The following BMPR1B variants were observed in gnomAD, a reference collection of about 807,000 sequenced individuals.
BMPR1B encodes bone morphogenetic protein receptor type-1B.
A neutral mutation model predicts 59.1 loss-of-function variants in BMPR1B; 12 were observed. The observed-to-expected ratio is 0.20, with a 90% CI of 0.13 to 0.33. The LOEUF (loss-of-function observed/expected upper bound fraction) is 0.33. BMPR1B is among the 10% of genes least tolerant of loss of function. The pLI is 1.00. For synonymous variants in BMPR1B, 237 were observed against 207.3 expected, an observed-to-expected ratio of 1.14 and a Z score of -1.23; for missense variants, 550 against 610.9, an observed-to-expected ratio of 0.90 and a Z score of 1.05.
chr4:94,808,154 T>C (rs1433825699), intron 1 of BMPR1B, among the ~76,000 whole-genome samples: 1 of 152,226 alleles, frequency 6.6e-6, no homozygotes, highest in Non-Finnish European at 1.5e-5. Context: ...CTATTTTAAA[T>C]GTTTTTGCAT....
chr4:94,801,581 AC>A (rs1471234290), intron 1 of BMPR1B, among the ~76,000 whole-genome samples: 2 of 152,182 alleles, frequency 1.3e-5, no homozygotes, highest in Non-Finnish European at 2.9e-5. Context: ...TTTTGTCATA[AC>A]AACTTCATGA....
intron 1 of BMPR1B, among the ~76,000 whole-genome samples, chr4:94,861,172 C>T (rs72887841): frequency 0.027 from 4,070 of 152,228 alleles, 179 homozygotes; most frequent in African/African-American, 0.093. Context: ...AAATCCCAGT[C>T]CTGCTGCTTG....
At chr4:94,934,528 G>A (rs537376923) in intron 2 of BMPR1B, among the ~76,000 whole-genome samples, 1 of 141,910 alleles carries the variant, frequency 7.0e-6, no homozygotes, top group African/African-American at 2.7e-5. Context: ...TTAAGCGTTA[G>A]AAACTTGTTG....
At chr4:94,787,819 C>G (rs1274793020) in intron 1 of BMPR1B, among the ~76,000 whole-genome samples, 1 of 151,996 alleles carries the variant, frequency 6.6e-6, no homozygotes, top group Non-Finnish European at 1.5e-5. Flanking sequence ...GTAACCCACA[C>G]AGTATTTCCT....
rs1191147159 is a variant in BMPR1B, at chr4:95,158,315, T to TA, written c.*3643dup. ...TGTTCTTTTGGGGGAACCAGTGCCTTACAGATTTTGTATATACTGTAATTA... is the reference window on the plus strand; with the variant it reads ...TGTTCTTTTGGGGGAACCAGTGCCTTAACAGATTTTGTATATACTGTAATTA... On this transcript the variant is annotated 3_prime_UTR_variant, in exon 13 of 13. Coordinates refer to ENST00000515059, the MANE Select transcript of BMPR1B (RefSeq NM_001203.3). The TA allele has an allele frequency of 2.0e-5, 3 of 152,332 alleles. No individual in the cohort carries two copies. The highest frequency in any genetic ancestry group is 4.4e-5 in the Non-Finnish European group (3 of 68,026). 9.4% of individuals were successfully genotyped at this position (152,332 alleles called of 1,614,324 possible).
At chr4:95,073,992 CAA>C (rs1285233768) in intron 3 of BMPR1B, among the ~76,000 whole-genome samples, 1 of 152,086 alleles carries the variant, frequency 6.6e-6, no homozygotes, top group Non-Finnish European at 1.5e-5. Context: ...TACAAATGAA[CAA>C]AGTGTCTTTT....
intron 4 of BMPR1B, among the ~76,000 whole-genome samples, chr4:95,106,621 A>G (rs1379963590): frequency 2.6e-5 from 4 of 152,026 alleles, no homozygotes; most frequent in African/African-American, 7.2e-5. Flanking sequence ...GAAAAGAACC[A>G]AGTTCCAATC....
At chr4:95,096,716 C>CATATATAACTATATATAGTT (rs1281162489) in intron 3 of BMPR1B, among the ~76,000 whole-genome samples, 192 of 75,704 alleles carry the variant, frequency 2.5e-3, no homozygotes, top group African/African-American at 7.2e-3. Flanking sequence ...TATATAGAGG[C>CATATATAACTATATATAGTT]ATATATAACT....
At chr4:95,089,594 T>C (rs1729833405) in intron 3 of BMPR1B, among the ~76,000 whole-genome samples, 1 of 152,122 alleles carries the variant, frequency 6.6e-6, no homozygotes, top group African/African-American at 2.4e-5. Flanking sequence ...TTTTGAAAAC[T>C]GAAGCCATTT....
rs1730710110 is a variant in BMPR1B at position 94,969,971 on chromosome 4, A to G, written c.-112-26069A>G. ...TGTAAAAAGGGTGATACTTTAAAGA[A>G]TTTTTAAATGTTTCTTATACTTTTA... is the stretch of plus-strand genomic sequence containing the variant. On this transcript the variant is annotated intron_variant, in intron 2 of 12. Coordinates refer to ENST00000515059, the MANE Select transcript of BMPR1B (RefSeq NM_001203.3). 2.6e-5 allele frequency among the ~76,000 whole-genome samples: 4 copies of G among 152,180 alleles called. No individual in the cohort carries two copies. In the South Asian group the frequency reaches 8.3e-4, roughly 32 times the overall value.
chr4:95,066,351 T>C (rs568710188), intron 3 of BMPR1B, among the ~76,000 whole-genome samples: 1 of 151,716 alleles, frequency 6.6e-6, no homozygotes, highest in East Asian at 1.9e-4. Flanking sequence ...TGTTTCATGC[T>C]TTTCCCACTC....
intron 2 of BMPR1B, among the ~76,000 whole-genome samples, chr4:94,928,355 GA>G (rs1016461935): frequency 1.7e-4 from 26 of 151,952 alleles, no homozygotes; most frequent in Non-Finnish European, 3.2e-4. Flanking sequence ...CAAATCTTCC[GA>G]ATGGGTGTGT....
At chr4:94,954,800 AG>A (rs1730080172) in intron 2 of BMPR1B, among the ~76,000 whole-genome samples, 1 of 152,218 alleles carries the variant, frequency 6.6e-6, no homozygotes. Flanking sequence ...TAAAGCACTT[AG>A]AATAGTTCCT....
intron 2 of BMPR1B, among the ~76,000 whole-genome samples, chr4:94,923,367 T>C (rs1046405599): frequency 1.3e-5 from 2 of 152,156 alleles, no homozygotes; most frequent in African/African-American, 4.8e-5. Flanking sequence ...CAGGCTTATG[T>C]ACTCTGAAAT....
chr4:95,104,983 C>G (rs559767481), intron 4 of BMPR1B, among the ~76,000 whole-genome samples: 1 of 152,170 alleles, frequency 6.6e-6, no homozygotes, highest in East Asian at 1.9e-4. Flanking sequence ...AACACCTAAG[C>G]TGCTGGGAAT....
Position 94,905,191 on chromosome 4 carries a change from T to C in BMPR1B, c.-113+29291T>C, listed in dbSNP as rs554082509. ...ATGATGAATTTCTTACCTGGCCTAA[T>C]AGCATGAATTAATTTAAATGAATTT... On this transcript the variant is annotated intron_variant, in intron 2 of 12. Transcript: ENST00000515059. Among the ~76,000 whole-genome samples, 39 of 152,176 alleles carry C rather than the reference T, an allele frequency of 2.6e-4. No homozygotes were observed. In the South Asian group the frequency reaches 7.0e-3, roughly 28 times the overall value.
intron 1 of BMPR1B, among the ~76,000 whole-genome samples, chr4:94,823,929 G>T (rs1724295374): frequency 6.6e-6 from 1 of 152,002 alleles, no homozygotes; most frequent in East Asian, 1.9e-4. Context: ...TGTATTTTTA[G>T]TAGAGACGGG....
intron 1 of BMPR1B, among the ~76,000 whole-genome samples, chr4:94,779,747 G>A (rs1722519115): frequency 6.6e-6 from 1 of 152,016 alleles, no homozygotes; most frequent in Non-Finnish European, 1.5e-5. Flanking sequence ...CAAGAGAATT[G>A]CTTGAATCTG....
intron 2 of BMPR1B, among the ~76,000 whole-genome samples, chr4:94,896,746 G>C (rs1727602903): frequency 6.6e-6 from 1 of 151,896 alleles, no homozygotes; most frequent in African/African-American, 2.4e-5. Context: ...GCAAGCCTTT[G>C]TAGAAAATTA....
Sources: gnomAD v4.1 joint callset for allele counts (sites outside exome capture counted in the v4.1 genomes callset) on GRCh38, gnomAD v4.1.1 for gene constraint, MANE v1.5 for transcripts, NCBI Gene and HGNC (gene_info 2026-07-23, HGNC 2026-07-21) for gene names.